PCED1B: variants seen among roughly 807,000 people sequenced by gnomAD.
PCED1B encodes the protein PC-esterase domain-containing protein 1B.
For missense variants in PCED1B, 573 were observed against 573.9 expected, an observed-to-expected ratio of 1.00 and a Z score of 0.02; for synonymous variants, 251 against 246.1, an observed-to-expected ratio of 1.02 and a Z score of -0.19.
At chr12:47,150,411 T>TA (rs969036787) in intron 2 of PCED1B, among the ~76,000 whole-genome samples, 30 of 149,288 alleles carry the variant, frequency 2.0e-4, no homozygotes, top group Non-Finnish European at 3.4e-4. Context: ...CTGTCTCTAC[T>TA]AAAAAAAAAT....
intron 1 of PCED1B, among the ~76,000 whole-genome samples, chr12:47,090,612 C>A (rs1938221876): frequency 6.6e-6 from 1 of 152,148 alleles, no homozygotes; most frequent in Non-Finnish European, 1.5e-5. Flanking sequence ...CCCTTCTAGT[C>A]ACTAATTTCC....
At chr12:47,222,299 G>A (rs1943506108) in intron 3 of PCED1B, among the ~76,000 whole-genome samples, 1 of 151,530 alleles carries the variant, frequency 6.6e-6, no homozygotes, top group South Asian at 2.1e-4. Flanking sequence ...GCACGTGCCT[G>A]TAATTCCAGC....
chr12:47,129,843 T>C (rs1287529772), intron 2 of PCED1B, among the ~76,000 whole-genome samples: 2 of 152,304 alleles, frequency 1.3e-5, no homozygotes, highest in Admixed American at 1.3e-4. Context: ...ATCTGTCCAT[T>C]ACAACCATCA....
At chr12:47,137,243 A>G (rs1176154897) in intron 2 of PCED1B, among the ~76,000 whole-genome samples, 11 of 152,206 alleles carry the variant, frequency 7.2e-5, no homozygotes, top group Non-Finnish European at 1.3e-4. Flanking sequence ...TTTCCTTCAC[A>G]TTTAAACAAT....
At chr12:47,144,282 G>A (rs532520159) in intron 2 of PCED1B, among the ~76,000 whole-genome samples, 1 of 152,242 alleles carries the variant, frequency 6.6e-6, no homozygotes, top group South Asian at 2.1e-4. Context: ...CCCACAGAGG[G>A]TTCTCAGGAT....
chr12:47,107,692 A>G (rs970876450), intron 2 of PCED1B, among the ~76,000 whole-genome samples: 1 of 152,160 alleles, frequency 6.6e-6, no homozygotes, highest in Admixed American at 6.5e-5. Context: ...TGCCTCAGGG[A>G]TGAGAGAATG....
rs534984368 is a variant in PCED1B at position 47,188,406 on chromosome 12, G to C, written c.-525-27816G>C. On this transcript the variant is annotated intron_variant, in intron 2 of 3. Coordinates refer to ENST00000546455, the MANE Select transcript of PCED1B (RefSeq NM_138371.3). ...ATCTTCCTGGCCTATGGAGAAGCATGGAATATACTGTGAGCCATATATGTC... is the reference window on the plus strand; with the variant it reads ...ATCTTCCTGGCCTATGGAGAAGCATCGAATATACTGTGAGCCATATATGTC... 6.6e-5 allele frequency among the ~76,000 whole-genome samples: 10 copies of C among 152,222 alleles called. No homozygotes were observed. In the South Asian group the frequency reaches 2.1e-3, roughly 32 times the overall value.
At chr12:47,133,145 A>G (rs1319407476) in intron 2 of PCED1B, among the ~76,000 whole-genome samples, 1 of 152,106 alleles carries the variant, frequency 6.6e-6, no homozygotes, top group Non-Finnish European at 1.5e-5. Context: ...TTATTTCCTG[A>G]CCCTTTATTT....
chr12:47,197,344 C>T (rs984923783), intron 2 of PCED1B, among the ~76,000 whole-genome samples: 15 of 151,242 alleles, frequency 9.9e-5, no homozygotes, highest in Middle Eastern at 3.5e-3. Flanking sequence ...CAGTGGCTCA[C>T]GCCTGTAATC....
chr12:47,135,294 TTA>T (rs1235997956), intron 2 of PCED1B, among the ~76,000 whole-genome samples: 1 of 152,112 alleles, frequency 6.6e-6, no homozygotes, highest in African/African-American at 2.4e-5. Context: ...GTTAATTTTT[TTA>T]TTTTTATTTT....
intron 3 of PCED1B, among the ~76,000 whole-genome samples, chr12:47,217,470 G>GAGAAAGAAAGAAAGAAAGAAAGAAAGAA (rs200992609): frequency 1.1e-5 from 1 of 90,870 alleles, no homozygotes; most frequent in Admixed American, 1.1e-4. Context: ...AAGAAAGAAA[G>GAGAAAGAAAGAAAGAAAGAAAGAAAGAA]AGAAAGAAAG....
intron 2 of PCED1B, among the ~76,000 whole-genome samples, chr12:47,207,887 A>G (rs1489363391): frequency 1.3e-5 from 2 of 152,224 alleles, no homozygotes; most frequent in South Asian, 2.1e-4. Context: ...CAAACTAAGC[A>G]TATGACAGGC....
intron 3 of PCED1B, among the ~76,000 whole-genome samples, chr12:47,220,068 C>CAAAAAA (rs763940625): frequency 1.5e-4 from 16 of 103,700 alleles, no homozygotes; most frequent in Non-Finnish European, 2.7e-4. Context: ...GACACTGCCT[C>CAAAAAA]AAAAAAAAAA....
At chr12:47,192,172 T>C (rs201351838) in intron 2 of PCED1B, among the ~76,000 whole-genome samples, 2 of 150,502 alleles carry the variant, frequency 1.3e-5, no homozygotes, top group Non-Finnish European at 3.0e-5. Context: ...TTTTTTTTTT[T>C]GTTTTTTTTT....
chr12:47,136,910 C>T (rs922308788), intron 2 of PCED1B, among the ~76,000 whole-genome samples: 3 of 152,142 alleles, frequency 2.0e-5, no homozygotes, highest in Non-Finnish European at 2.9e-5. Flanking sequence ...GATGTGCCAC[C>T]GTCACTCCTT....
intron 2 of PCED1B, among the ~76,000 whole-genome samples, chr12:47,139,989 C>T (rs1009146768): frequency 2.0e-5 from 3 of 152,018 alleles, no homozygotes; most frequent in African/African-American, 4.8e-5. Context: ...ATTGAAGTTA[C>T]TACTCATGTT....
chr12:47,202,884 C>T (rs541181342), intron 2 of PCED1B, among the ~76,000 whole-genome samples: 1 of 152,032 alleles, frequency 6.6e-6, no homozygotes, highest in East Asian at 1.9e-4. Context: ...CCCAATTGTT[C>T]CCAATACTGA....
chr12:47,196,678 A>C (rs1435722187), intron 2 of PCED1B, among the ~76,000 whole-genome samples: 7 of 152,188 alleles, frequency 4.6e-5, no homozygotes, highest in Admixed American at 3.3e-4. Flanking sequence ...AATTGCAAAA[A>C]TTATCTGGGC....
chr12:47,192,160 G>A (rs933818585), intron 2 of PCED1B, among the ~76,000 whole-genome samples: 16 of 139,548 alleles, frequency 1.1e-4, no homozygotes, highest in South Asian at 2.2e-4. Context: ...TGGAGGCTAC[G>A]CTTTTTTTTT....
Sources: allele counts gnomAD v4.1 joint callset (sites outside exome capture counted in the v4.1 genomes callset), GRCh38; gene constraint gnomAD v4.1.1; transcripts MANE v1.5; gene names NCBI Gene and HGNC (gene_info 2026-07-23, HGNC 2026-07-21).